MTNR1B: variants seen among roughly 807,000 people sequenced by gnomAD.
MTNR1B encodes the protein melatonin receptor 1B.
In MTNR1B, 7 loss-of-function variants were observed where a neutral mutation model predicts 7.0. The observed-to-expected ratio is 1.00, with a 90% CI of 0.57 to 1.88. The LOEUF (loss-of-function observed/expected upper bound fraction) is 1.88. Among genes scored for constraint, MTNR1B ranks in the 40% most tolerant of loss-of-function variants. The probability of loss-of-function intolerance (pLI) is 0.00; values close to 1 mark genes in which losing one functional copy is unlikely to be tolerated. For missense variants in MTNR1B, 478 were observed against 486.5 expected (o/e 0.98, Z 0.16); for synonymous variants, 226 against 208.2 (o/e 1.09, Z -0.74).
intron 1 of MTNR1B, among the ~76,000 whole-genome samples, chr11:92,980,736 C>G (rs951051815): frequency 1.3e-5 from 2 of 152,162 alleles, no homozygotes; most frequent in Non-Finnish European, 2.9e-5. Flanking sequence ...TGCTGACAGC[C>G]CTTTCTCACC....
downstream of MTNR1B, chr11:92,984,881 T>C (rs1478554747): frequency 2.2e-6 from 1 of 456,182 alleles, no homozygotes; most frequent in Admixed American, 2.3e-5. Context: ...TCAAGCAATG[T>C]ACATATTTGG....
chr11:92,983,423 G>A (rs1774282151), downstream of MTNR1B, among the ~76,000 whole-genome samples: 1 of 152,010 alleles, frequency 6.6e-6, no homozygotes, highest in Non-Finnish European at 1.5e-5. Context: ...TGAGGTGGGA[G>A]GATCACTTCA....
intron 1 of MTNR1B, among the ~76,000 whole-genome samples, chr11:92,978,262 A>C (rs1356893323): frequency 6.6e-6 from 1 of 152,202 alleles, no homozygotes; most frequent in Non-Finnish European, 1.5e-5. Flanking sequence ...CTCCATTAAG[A>C]AATACATTTT....
chr11:92,981,119 G>A (rs780443051), intron 1 of MTNR1B, among the ~76,000 whole-genome samples: 1 of 152,150 alleles, frequency 6.6e-6, no homozygotes, highest in Non-Finnish European at 1.5e-5. Flanking sequence ...GAGCATCTGT[G>A]CCTATCATGG....
intron 1 of MTNR1B, among the ~76,000 whole-genome samples, chr11:92,971,572 G>A (rs1242176121): frequency 1.3e-5 from 2 of 152,186 alleles, no homozygotes; most frequent in African/African-American, 4.8e-5. Context: ...GGCTCTATGG[G>A]GGAGAAATGG....
Position 92,982,186 on chromosome 11 carries a change from G to A in MTNR1B, c.963G>A (p.Arg321=), listed in dbSNP as rs1310899445. The change falls in exon 2 of 2, where the codon AGG becomes AGA. Residue 321 remains arginine, a synonymous_variant. Transcript: ENST00000257068. ...LNQNFRREYK[R]ILLALWNPRH... is the part of the protein sequence containing the mutation. ...AAAACTTCCGCAGGGAATACAAGAG[G>A]ATCCTCTTGGCCCTTTGGAACCCAC... 2.5e-6 allele frequency: 4 copies of A among 1,614,080 alleles called. No homozygotes were observed. The highest frequency in any genetic ancestry group is 3.4e-6 in the Non-Finnish European group (4 of 1,180,042).
In MTNR1B at chr11:92,981,629, A is replaced by T. The variant is rs1229127561; in HGVS notation, c.406A>T (p.Ile136Phe). ...GSVFNITAIAINRYCYICHSM... is the reference protein window; with the variant it reads ...GSVFNITAIAFNRYCYICHSM... Reference sequence around the variant, plus strand: ...TGTCTTCAATATCACTGCCATCGCCATTAACCGCTACTGCTACATCTGCCA... The same window carrying T: ...TGTCTTCAATATCACTGCCATCGCCTTTAACCGCTACTGCTACATCTGCCA... The change falls in exon 2 of 2, where the codon ATT (isoleucine) becomes TTT (phenylalanine). Residue 136 changes from isoleucine (I) to phenylalanine (F), a missense_variant. Transcript: ENST00000257068. The T allele has an allele frequency of 6.2e-7, 1 of 1,614,172 alleles. No homozygotes were observed. Among genetic ancestry groups the T allele is most frequent in the South Asian group, 1.1e-5 (1 of 91,074 alleles).
intron 1 of MTNR1B, among the ~76,000 whole-genome samples, chr11:92,972,138 C>T (rs1401043667): frequency 6.6e-6 from 1 of 152,204 alleles, no homozygotes; most frequent in African/African-American, 2.4e-5. Flanking sequence ...AGCACACATT[C>T]TACTCTTAAT....
At chr11:92,983,627 C>A (rs1378810234), downstream of MTNR1B, among the ~76,000 whole-genome samples, 1 of 151,994 alleles carries the variant, frequency 6.6e-6, no homozygotes, top group East Asian at 1.9e-4. Flanking sequence ...CAATTCATTT[C>A]TATGGTTATG....
chr11:92,972,182 T>C (rs994046284), intron 1 of MTNR1B, among the ~76,000 whole-genome samples: 2 of 152,228 alleles, frequency 1.3e-5, no homozygotes, highest in Non-Finnish European at 1.5e-5. Flanking sequence ...TTGGATTTAA[T>C]TTAAGAAACG....
At chr11:92,975,680 T>C (rs750834508) in intron 1 of MTNR1B, among the ~76,000 whole-genome samples, 5 of 152,162 alleles carry the variant, frequency 3.3e-5, no homozygotes, top group Non-Finnish European at 5.9e-5. Flanking sequence ...TTCCAACTTG[T>C]TGACTGAGAC....
At chr11:92,978,174 C>A (rs924011573) in intron 1 of MTNR1B, among the ~76,000 whole-genome samples, 7 of 152,158 alleles carry the variant, frequency 4.6e-5, no homozygotes, top group Non-Finnish European at 1.0e-4. Flanking sequence ...TTACAGGGAG[C>A]TTTACCTTCC....
At chr11:92,974,854 G>T (rs967561886) in intron 1 of MTNR1B, among the ~76,000 whole-genome samples, 1 of 151,884 alleles carries the variant, frequency 6.6e-6, no homozygotes, top group African/African-American at 2.4e-5. Flanking sequence ...CGCCCGCCTT[G>T]GCCTCCCAAA....
In MTNR1B at chr11:92,981,613, T is replaced by C. The variant is rs1565180946; in HGVS notation, c.390T>C (p.Asn130=). The C allele has an allele frequency of 6.2e-7, 1 of 1,614,166 alleles. No individual in the cohort carries two copies. Among genetic ancestry groups the C allele is most frequent in the Admixed American group, 1.7e-5 (1 of 60,022 alleles). ...TGAGCGTCATCGGCTCTGTCTTCAATATCACTGCCATCGCCATTAACCGCT... is the reference window on the plus strand; with the variant it reads ...TGAGCGTCATCGGCTCTGTCTTCAACATCACTGCCATCGCCATTAACCGCT... ...MGLSVIGSVF[N]ITAIAINRYC... Residue 130 remains asparagine, a synonymous_variant, in exon 2 of 2, where the codon AAT becomes AAC. Transcript: ENST00000257068.
intron 1 of MTNR1B, 111 bp downstream of exon 1, chr11:92,970,059 C>G: frequency 2.3e-6 from 3 of 1,323,402 alleles, no homozygotes; most frequent in Non-Finnish European, 2.9e-6. Context: ...CCCGGGCTCC[C>G]CTTTCCCTTC....
intron 1 of MTNR1B, among the ~76,000 whole-genome samples, chr11:92,971,411 A>T (rs182939648): frequency 6.6e-6 from 1 of 152,342 alleles, no homozygotes; most frequent in African/African-American, 2.4e-5. Context: ...TACATTGTTC[A>T]AAATATTGTG....
At chr11:92,979,160 G>T (rs1176930114) in intron 1 of MTNR1B, among the ~76,000 whole-genome samples, 1 of 152,186 alleles carries the variant, frequency 6.6e-6, no homozygotes, top group Non-Finnish European at 1.5e-5. Flanking sequence ...CAACCATAAA[G>T]TGGCAGGACT....
downstream of MTNR1B, chr11:92,984,665 GTGC>G (rs1001383631): frequency 3.2e-6 from 1 of 313,230 alleles, no homozygotes; most frequent in African/African-American, 2.2e-5. Flanking sequence ...CTATCTTTCA[GTGC>G]TGAGTTGAAT....
downstream of MTNR1B, among the ~76,000 whole-genome samples, chr11:92,984,606 A>G (rs554279622): frequency 1.3e-5 from 2 of 152,204 alleles, no homozygotes; most frequent in Non-Finnish European, 2.9e-5. Flanking sequence ...GAGGAGAAGG[A>G]GGCATCAATT....
Sources: gnomAD v4.1 joint callset for allele counts (sites outside exome capture counted in the v4.1 genomes callset) on GRCh38, gnomAD v4.1.1 for gene constraint, MANE v1.5 for transcripts, NCBI Gene and HGNC (gene_info 2026-07-23, HGNC 2026-07-21) for gene names.